THSD7B: variants seen among roughly 807,000 people sequenced by gnomAD.
The protein encoded by THSD7B is thrombospondin type 1 domain containing 7B.
THSD7B carries 138 observed loss-of-function variants against 213.6 expected under a neutral mutation model. The ratio of observed to expected loss-of-function variants is 0.65; its 90% CI spans 0.56 to 0.74. THSD7B has a LOEUF of 0.74. THSD7B is among the 30% of genes least tolerant of loss of function. The pLI, the probability that THSD7B is intolerant of heterozygous loss-of-function variation, is 0.00. For synonymous variants in THSD7B, 742 were observed against 687.0 expected (o/e 1.08, Z -1.25); for missense variants, 1,931 against 1,991.5 (o/e 0.97, Z 0.58).
At chr2:136,914,426 A>T (rs1684318354) in intron 2 of THSD7B, among the ~76,000 whole-genome samples, 1 of 152,162 alleles carries the variant, frequency 6.6e-6, no homozygotes, top group Non-Finnish European at 1.5e-5. Flanking sequence ...ATTGGTTTTA[A>T]AATGTGAGGA....
At chr2:137,001,624 C>T (rs17725505) in intron 2 of THSD7B, among the ~76,000 whole-genome samples, 15,833 of 152,108 alleles carry the variant, frequency 0.1, 1,061 homozygotes, top group East Asian at 0.15. Flanking sequence ...GCAACTAAAA[C>T]GCTTACAGAA....
intron 2 of THSD7B, among the ~76,000 whole-genome samples, chr2:136,903,756 A>T (rs1282459045): frequency 1.3e-5 from 2 of 152,194 alleles, no homozygotes. Flanking sequence ...GGTTGGGTAC[A>T]CTTGTTAAGA....
At chr2:137,326,819 A>C (rs1016836303) in intron 12 of THSD7B, among the ~76,000 whole-genome samples, 5 of 152,240 alleles carry the variant, frequency 3.3e-5, no homozygotes, top group East Asian at 3.8e-4. Context: ...AGCAGCAAGC[A>C]CACTAGCACA....
intron 7 of THSD7B, among the ~76,000 whole-genome samples, chr2:137,192,958 G>A (rs1183272925): frequency 6.6e-6 from 1 of 152,116 alleles, no homozygotes; most frequent in Admixed American, 6.6e-5. Flanking sequence ...AGAAAGGAAA[G>A]CTTGTGTGTG....
chr2:137,000,786 G>T (rs1685985814), intron 2 of THSD7B, among the ~76,000 whole-genome samples: 1 of 152,062 alleles, frequency 6.6e-6, no homozygotes, highest in South Asian at 2.1e-4. Context: ...TCATTAATTA[G>T]ATAGCTACCA....
chr2:137,385,351 A>G (rs111409134), intron 12 of THSD7B, among the ~76,000 whole-genome samples: 4,815 of 152,242 alleles, frequency 0.032, 282 homozygotes, highest in African/African-American at 0.11. Flanking sequence ...ATTCAGCAAG[A>G]GGGCACCTGC....
chr2:137,675,795 G>A (rs975921242), intron 27 of THSD7B, among the ~76,000 whole-genome samples: 1 of 152,126 alleles, frequency 6.6e-6, no homozygotes, highest in African/African-American at 2.4e-5. Context: ...GATAAGTGTG[G>A]TGGTGAGAGA....
intron 20 of THSD7B, among the ~76,000 whole-genome samples, chr2:137,639,307 T>C (rs1275781033): frequency 6.6e-6 from 1 of 152,088 alleles, no homozygotes; most frequent in Non-Finnish European, 1.5e-5. Context: ...TTCCATGTGG[T>C]GTTGAGCCTG....
At chr2:136,935,673 A>G (rs1189370313) in intron 2 of THSD7B, among the ~76,000 whole-genome samples, 2 of 152,000 alleles carry the variant, frequency 1.3e-5, no homozygotes, top group African/African-American at 2.4e-5. Context: ...TGAAGATGTT[A>G]TATGTGACTG....
At chr2:137,655,448 C>CT (rs1683216328) in intron 21 of THSD7B, 53 bp from the exon 22 acceptor site, 6 of 1,543,260 alleles carry the variant, frequency 3.9e-6, no homozygotes. Context: ...AGAGCCAAAA[C>CT]TTTGAGATGT....
chr2:136,906,942 T>G (rs1172678775), intron 2 of THSD7B, among the ~76,000 whole-genome samples: 1 of 120,950 alleles, frequency 8.3e-6, no homozygotes, highest in African/African-American at 3.2e-5. Flanking sequence ...CAAGGTTTTT[T>G]TTTTTTTTTT....
chr2:137,006,102 A>G (rs1163614574), intron 2 of THSD7B, among the ~76,000 whole-genome samples: 7 of 152,184 alleles, frequency 4.6e-5, no homozygotes. Flanking sequence ...GTTTTAATAA[A>G]TACGTATAGG....
intron 2 of THSD7B, among the ~76,000 whole-genome samples, chr2:137,014,672 T>C (rs1176333737): frequency 6.6e-6 from 1 of 152,234 alleles, no homozygotes; most frequent in African/African-American, 2.4e-5. Context: ...CTGTTCTTTA[T>C]GGCCACGGCA....
At chr2:137,238,564 T>TTTTTTTTTTTTTTTTTTTTC (rs1553481982) in intron 9 of THSD7B, among the ~76,000 whole-genome samples, 1 of 83,408 alleles carries the variant, frequency 1.2e-5, no homozygotes, top group Non-Finnish European at 2.6e-5. Flanking sequence ...TTTTTTTTTT[T>TTTTTTTTTTTTTTTTTTTTC]GAGACGGAGT....
rs151210282 is a variant in THSD7B, at chr2:137,179,929, C to T, written c.1723+8991C>T. On this transcript the variant is annotated intron_variant, in intron 7 of 27. Transcript: ENST00000409968. Reference sequence around the variant, plus strand: ...AGAAACATTTTCTTCACTCTCACTCCAACTATTTTATGCTGGTCTAGAATC... The same window carrying T: ...AGAAACATTTTCTTCACTCTCACTCTAACTATTTTATGCTGGTCTAGAATC... Among the ~76,000 whole-genome samples the T allele has an allele frequency of 5.6e-4, 85 of 152,196 alleles. 1 individual carries two copies. The highest frequency in any genetic ancestry group is 3.4e-3 in the Middle Eastern group (1 of 294).
At chr2:137,231,858 C>T (rs1347559010) in intron 8 of THSD7B, among the ~76,000 whole-genome samples, 3 of 152,142 alleles carry the variant, frequency 2.0e-5, no homozygotes, top group East Asian at 1.9e-4. Context: ...CTCCAGCACA[C>T]GTCATTTCTT....
intron 12 of THSD7B, among the ~76,000 whole-genome samples, chr2:137,367,834 C>A (rs1394928935): frequency 6.6e-6 from 1 of 152,064 alleles, no homozygotes; most frequent in Non-Finnish European, 1.5e-5. Context: ...AGATCTTCAT[C>A]ATTTTATAAG....
intron 12 of THSD7B, among the ~76,000 whole-genome samples, chr2:137,320,732 A>G (rs1430415403): frequency 2.0e-5 from 3 of 152,228 alleles, no homozygotes; most frequent in Non-Finnish European, 4.4e-5. Context: ...ATGTGTTCAA[A>G]TTAGAGAAAA....
intron 2 of THSD7B, among the ~76,000 whole-genome samples, chr2:136,909,808 T>C (rs1684227683): frequency 6.6e-6 from 1 of 152,222 alleles, no homozygotes; most frequent in South Asian, 2.1e-4. Flanking sequence ...ACTACTTACA[T>C]TCTTTCCTGT....
Sources: allele counts gnomAD v4.1 joint callset (sites outside exome capture counted in the v4.1 genomes callset), GRCh38; gene constraint gnomAD v4.1.1; transcripts MANE v1.5; gene names NCBI Gene and HGNC (gene_info 2026-07-23, HGNC 2026-07-21).